The following SNAPC4 variants were observed in gnomAD, a reference collection of about 807,000 sequenced individuals.
SNAPC4 encodes snRNA-activating protein complex subunit 4.
Under a neutral mutation model 151.3 loss-of-function variants are expected in SNAPC4, and 127 were observed. The ratio of observed to expected loss-of-function variants is 0.84; its 90% confidence interval spans 0.73 to 0.97. The LOEUF is 0.97. Ranked by LOEUF, SNAPC4 falls within the 50% of genes least tolerant of loss-of-function variation. The pLI is 0.00. For missense variants in SNAPC4, 2,186 were observed against 1,935.0 expected, an observed-to-expected ratio of 1.13 and a Z score of -2.43; for synonymous variants, 1,002 against 824.4, an observed-to-expected ratio of 1.22 and a Z score of -3.69.
chr9:136,399,798 A>T (rs1024480574), intron 1 of SNAPC4, among the ~76,000 whole-genome samples: 1 of 152,204 alleles, frequency 6.6e-6, no homozygotes, highest in Non-Finnish European at 1.5e-5. Context: ...CGCTGCGTGA[A>T]CTGGGGAAAC....
At chr9:136,379,801 G>T in intron 21 of SNAPC4, 36 bp downstream of exon 21, 1 of 1,604,546 alleles carries the variant, frequency 6.2e-7, no homozygotes, top group Non-Finnish European at 8.5e-7. Context: ...GGCCAGGTTA[G>T]GTCTCTTCCC....
At chr9:136,381,613 G>T (rs894386546) in intron 18 of SNAPC4, among the ~76,000 whole-genome samples, 1 of 151,978 alleles carries the variant, frequency 6.6e-6, no homozygotes, top group South Asian at 2.1e-4. Context: ...CTTGGCCCAG[G>T]AAGAGTGGTG....
At position 136,382,067 on chromosome 9, in the gene SNAPC4, G is replaced by A; in HGVS notation, c.2074C>T (p.Gln692Ter). 1 of 1,585,736 alleles carries A rather than the reference G, an allele frequency of 6.3e-7. No individual in the cohort carries two copies. The highest frequency in any genetic ancestry group is 8.6e-7 in the Non-Finnish European group (1 of 1,166,222). The change falls in exon 18 of 24, where the codon CAG becomes TAG. Residue 692 changes from glutamine (Q) to a stop codon, truncating the protein, a stop_gained. Transcript: ENST00000684778. LOFTEE classifies it high-confidence loss of function. ...GTGGGCAGGGGTGGCTGCCTCAGCT[G>A]CTCTTTCTGTAAGGAGAAGGCAGCA... ...TAARSCTQKE[Q>*]LRQPPLPTSS...
chr9:136,395,504 G>A (rs185316954), intron 4 of SNAPC4, 81 bp from the exon 5 acceptor site: 146 of 1,573,344 alleles, frequency 9.3e-5, no homozygotes, highest in Middle Eastern at 5.1e-4. Context: ...GGGCAGAGGA[G>A]AGGCAGGGAG....
chr9:136,376,484 GA>G lies in SNAPC4; in HGVS notation c.4285-4del, dbSNP rs995563221. 2 of 1,612,850 alleles carry G rather than the reference GA, an allele frequency of 1.2e-6. No individual in the cohort carries two copies. Among genetic ancestry groups the G allele is most frequent in the African/African-American group, 2.7e-5 (2 of 74,940 alleles). ...CATTTACCAGAGTCTGGGGCTCCCT[GA>G]AAGAAAATCCAGGCAGTGGGGACAA... On this transcript the variant is annotated splice_region_variant and splice_polypyrimidine_tract_variant and intron_variant, in intron 22 of 23. Transcript: ENST00000684778.
Position 136,392,111 on chromosome 9 carries a change from A to G in SNAPC4, c.811-5T>C, listed in dbSNP as rs768104450. ...TGCACTGCGGCTGCCTTCAAACTGC[A>G]CCGACAGAGACACTCAGCCTTGCAG... On this transcript the variant is annotated splice_polypyrimidine_tract_variant and splice_region_variant and intron_variant, in intron 9 of 23. Coordinates refer to ENST00000684778, the MANE Select transcript of SNAPC4 (RefSeq NM_003086.4). 5.7e-5 allele frequency: 92 copies of G among 1,611,124 alleles called. No homozygotes were observed. Among genetic ancestry groups the G allele is most frequent in the Non-Finnish European group, 7.5e-5 (89 of 1,179,964 alleles).
chr9:136,395,411 T>C lies in SNAPC4; in HGVS notation c.358A>G (p.Arg120Gly). ...QNREQQEELM[R>G]DLAGSKGTKV... ...GTGCCTTTGGACCCAGCCAGATCCC[T>C]CATGAGTTCCTCCTGTGACAGACAC... Residue 120 changes from arginine to glycine, a missense_variant, in exon 5 of 24, where the codon AGG becomes GGG. Coordinates refer to ENST00000684778, the MANE Select transcript of SNAPC4 (RefSeq NM_003086.4). The C allele has an allele frequency of 1.2e-6, 2 of 1,612,980 alleles. No individual in the cohort carries two copies. Among genetic ancestry groups the C allele is most frequent in the Non-Finnish European group, 1.7e-6 (2 of 1,179,724 alleles).
At chr9:136,382,134 G>A in intron 17 of SNAPC4, 61 bp from the exon 18 acceptor site, 1 of 1,564,668 alleles carries the variant, frequency 6.4e-7, no homozygotes, top group South Asian at 1.2e-5. Context: ...AGTGGACCCT[G>A]CCCAGTGGCC....
chr9:136,386,276 C>T lies in SNAPC4; in HGVS notation c.1325+1209G>A, dbSNP rs1477179406. On this transcript the variant is annotated intron_variant, in intron 13 of 23. Coordinates refer to ENST00000684778, the MANE Select transcript of SNAPC4 (RefSeq NM_003086.4). ...CATCTGTGCATCTTCTTTGGAGAGA[C>T]GGCCACTCAAGTTCTTTGCCCGCGA... is the stretch of plus-strand genomic sequence containing the variant. 1.6e-4 allele frequency among the ~76,000 whole-genome samples: 24 copies of T among 151,916 alleles called. No individual in the cohort carries two copies. In the East Asian group the frequency reaches 2.5e-3, roughly 16 times the overall value.
At chr9:136,395,078 C>T (rs952152116) in intron 5 of SNAPC4, among the ~76,000 whole-genome samples, 200 bp from the exon 6 acceptor site, 5 of 152,240 alleles carry the variant, frequency 3.3e-5, no homozygotes, top group Admixed American at 6.5e-5. Context: ...AACACTGGCA[C>T]CTCCACGAGG....
At chr9:136,393,029 C>T (rs941568567) in intron 7 of SNAPC4, among the ~76,000 whole-genome samples, 8 of 152,202 alleles carry the variant, frequency 5.3e-5, no homozygotes, top group African/African-American at 9.7e-5. Flanking sequence ...CTCAGAGCCT[C>T]GCCACAGCCC....
chr9:136,389,837 AGCTGGAGGGAG>A (rs1460821131), intron 10 of SNAPC4, among the ~76,000 whole-genome samples: 1 of 152,174 alleles, frequency 6.6e-6, no homozygotes, highest in Non-Finnish European at 1.5e-5. Context: ...GCTGGAGTGA[AGCTGGAGGGAG>A]GCTGCTGAGG....
At position 136,377,624 on chromosome 9, in the gene SNAPC4, C is replaced by G. The variant is rs1216905301; in HGVS notation, c.4203G>C (p.Glu1401Asp). The G allele has an allele frequency of 1.3e-6, 2 of 1,572,486 alleles. No individual in the cohort carries two copies. The highest frequency in any genetic ancestry group is 3.7e-5 in the Admixed American group (2 of 54,008). The change falls in exon 22 of 24, where the codon GAG becomes GAC. Residue 1401 changes from glutamate to aspartate, a missense_variant. Glu to Asp is a conservative substitution (Grantham distance 45). Transcript: ENST00000684778. ...CCAGCTCACTCAGGAGGTCTTCATC[C>G]TCACTCTCAGAGCCCACCCTCGAAG... ...SVPSRVGSES[E>D]DEDLLSELEL...
Position 136,389,670 on chromosome 9 carries a change from C to T in SNAPC4, c.976-1079G>A, listed in dbSNP as rs541657498. On this transcript the variant is annotated intron_variant, in intron 10 of 23. Coordinates refer to ENST00000684778, the MANE Select transcript of SNAPC4 (RefSeq NM_003086.4). ...ACCCGTCCTCCTACACTCAAGCTGG[C>T]GCTTCCCAACCAGTGGAAAGAGAGA... Among the ~76,000 whole-genome samples the T allele has an allele frequency of 2.6e-5, 4 of 152,322 alleles. No homozygotes were observed. In the East Asian group the frequency reaches 5.8e-4, roughly 22 times the overall value.
At position 136,395,774 on chromosome 9, in the gene SNAPC4, GT is replaced by G; in HGVS notation, c.178-5del. ...CTTCGCCCCACCTTTCTTCTTCCTG[GT>G]AACGAGCCAGAAATGGCATGTGACG... On this transcript the variant is annotated splice_polypyrimidine_tract_variant and splice_region_variant and intron_variant, in intron 3 of 23. Transcript: ENST00000684778. 3.1e-6 allele frequency: 5 copies of G among 1,608,208 alleles called. No homozygotes were observed. Among genetic ancestry groups the G allele is most frequent in the Non-Finnish European group, 4.3e-6 (5 of 1,176,052 alleles).
In SNAPC4 at chr9:136,379,126, G is replaced by C; in HGVS notation, c.2701C>G (p.Arg901Gly). Residue 901 changes from arginine (R) to glycine (G), a missense_variant, in exon 22 of 24, where the codon CGG becomes GGG. Physicochemically the swap from Arg to Gly is moderately radical, Grantham distance 125. Coordinates refer to ENST00000684778, the MANE Select transcript of SNAPC4 (RefSeq NM_003086.4). ...TCCCTGGCACGGGCCTCCTGAAGCC[G>C]CTTCTCCTGAAGCAGCTCCGACACA... ...KTVSELLQEKRLQEARAREAT... is the reference protein window; with the variant it reads ...KTVSELLQEKGLQEARAREAT... 2 of 1,565,866 alleles carry C rather than the reference G, an allele frequency of 1.3e-6. No individual in the cohort carries two copies. The highest frequency in any genetic ancestry group is 1.7e-6 in the Non-Finnish European group (2 of 1,155,980).
chr9:136,393,030 G>A (rs376325584), intron 7 of SNAPC4, among the ~76,000 whole-genome samples: 138 of 152,284 alleles, frequency 9.1e-4, no homozygotes, highest in Admixed American at 3.8e-3. Context: ...TCAGAGCCTC[G>A]CCACAGCCCT....
At chr9:136,396,219 G>A (rs1054036538) in intron 3 of SNAPC4, among the ~76,000 whole-genome samples, 13 of 152,240 alleles carry the variant, frequency 8.5e-5, no homozygotes, top group African/African-American at 3.1e-4. Flanking sequence ...GAGGTGAGGT[G>A]CCCACAGGCT....
intron 10 of SNAPC4, among the ~76,000 whole-genome samples, chr9:136,390,186 G>A (rs74711752): frequency 6.5e-4 from 99 of 152,236 alleles, no homozygotes; most frequent in African/African-American, 2.2e-3. Flanking sequence ...CTGGTCAGGC[G>A]GGTGGGAAAG....
Sources: gnomAD v4.1 joint callset for allele counts (sites outside exome capture counted in the v4.1 genomes callset) on GRCh38, gnomAD v4.1.1 for gene constraint, MANE v1.5 for transcripts, NCBI Gene and HGNC (gene_info 2026-07-23, HGNC 2026-07-21) for gene names.